CLDN18: variants seen among roughly 807,000 people sequenced by gnomAD.
CLDN18 encodes the protein claudin-18.
CLDN18 carries 20 observed loss-of-function variants against 25.0 expected under a neutral mutation model. The ratio of observed to expected loss-of-function variants is 0.80; its 90% CI spans 0.56 to 1.16. The LOEUF (loss-of-function observed/expected upper bound fraction) is 1.16, where lower values mean the gene tolerates loss of function less well. Ranked by LOEUF, CLDN18 falls within the 50% of genes most tolerant of loss-of-function variation. The pLI is 0.00. For synonymous variants in CLDN18, 125 were observed against 135.6 expected, an observed-to-expected ratio of 0.92 and a Z score of 0.54; for missense variants, 297 against 345.4, an observed-to-expected ratio of 0.86 and a Z score of 1.11.
intron 3 of CLDN18, 45 bp from the exon 4 acceptor site, chr3:138,029,752 G>T: frequency 8.3e-7 from 1 of 1,207,702 alleles, no homozygotes; most frequent in Non-Finnish European, 1.2e-6. Context: ...GTGGAGCCTG[G>T]AGAGTTGAGT....
chr3:138,017,132 C>T (rs190378357), intron 1 of CLDN18, among the ~76,000 whole-genome samples: 1 of 152,146 alleles, frequency 6.6e-6, no homozygotes, highest in Non-Finnish European at 1.5e-5. Flanking sequence ...TAAATCATCA[C>T]TGCTGTGTCT....
chr3:138,004,699 C>T (rs1008973358), intron 1 of CLDN18: 1 of 151,372 alleles, frequency 6.6e-6, no homozygotes, highest in Non-Finnish European at 1.5e-5. Flanking sequence ...CATTGACTAG[C>T]TTTTTTTGAA....
At chr3:138,020,917 G>A (rs1942263740) in intron 1 of CLDN18, among the ~76,000 whole-genome samples, 1 of 152,172 alleles carries the variant, frequency 6.6e-6, no homozygotes, top group African/African-American at 2.4e-5. Context: ...TCAAAACAAT[G>A]TGCTGTGATG....
intron 3 of CLDN18, among the ~76,000 whole-genome samples, chr3:138,027,019 CA>C (rs1419096146): frequency 1.3e-5 from 2 of 152,204 alleles, no homozygotes; most frequent in Non-Finnish European, 2.9e-5. Context: ...AAGGAATACA[CA>C]AGCTGGAGAA....
chr3:138,014,739 G>A (rs1007181153), intron 1 of CLDN18, among the ~76,000 whole-genome samples: 15 of 152,220 alleles, frequency 9.9e-5, no homozygotes, highest in Non-Finnish European at 1.8e-4. Flanking sequence ...CAAGAAGACT[G>A]TGGACTTAAA....
In CLDN18 at chr3:138,020,817, A is replaced by G. The variant is rs183849221; in HGVS notation, c.221-2841A>G. 2.2e-3 allele frequency among the ~76,000 whole-genome samples: 334 copies of G among 152,330 alleles called. 5 individuals are homozygous for G. The highest frequency in any genetic ancestry group is 3.5e-4 in the Non-Finnish European group (24 of 68,028). ...GATGATAGTTTATGGTTGAGTCTCC[A>G]AATTTGGAGGATACATTCTGTAAGA... On this transcript the variant is annotated intron_variant, in intron 1 of 4. Coordinates refer to ENST00000183605, the MANE Select transcript of CLDN18 (RefSeq NM_016369.4).
rs996210181 is a variant in CLDN18, at chr3:137,999,238, G to A, written c.220+150G>A. The A allele has an allele frequency of 4.4e-6, 3 of 675,854 alleles. No individual in the cohort carries two copies. The African/African-American group carries it at 5.4e-5, about 12-fold the overall frequency. The allele number at this position is 675,854 out of a possible 1,614,324, so 41.9% of individuals were successfully genotyped here. On this transcript the variant is annotated intron_variant, in intron 1 of 4. Transcript: ENST00000343735. ...GGGCAACAGCCACCTGCACCAGGGT[G>A]GAATAGGAGGACGGGAACCTTAGGG...
At chr3:138,001,343 T>A (rs1330297323) in intron 1 of CLDN18, among the ~76,000 whole-genome samples, 1 of 150,952 alleles carries the variant, frequency 6.6e-6, no homozygotes. Flanking sequence ...TTGAATGGGG[T>A]CCTGGACTAA....
At chr3:138,018,816 C>T (rs1381299434) in intron 1 of CLDN18, among the ~76,000 whole-genome samples, 1 of 152,176 alleles carries the variant, frequency 6.6e-6, no homozygotes, top group African/African-American at 2.4e-5. Flanking sequence ...ACCTATGCTG[C>T]CTCTCCCATC....
At chr3:138,023,075 A>G (rs1387550305) in intron 1 of CLDN18, among the ~76,000 whole-genome samples, 1 of 152,248 alleles carries the variant, frequency 6.6e-6, no homozygotes, top group Non-Finnish European at 1.5e-5. Flanking sequence ...TGAAACCTAC[A>G]GCTCACCATA....
intron 3 of CLDN18, among the ~76,000 whole-genome samples, chr3:138,028,703 T>A (rs9819472): frequency 6.6e-6 from 1 of 152,032 alleles, no homozygotes; most frequent in African/African-American, 2.4e-5. Flanking sequence ...CTCTCCACCA[T>A]CCAAAAATAT....
upstream of CLDN18, among the ~76,000 whole-genome samples, chr3:138,007,211 G>A (rs1303789058): frequency 6.6e-6 from 1 of 152,120 alleles, no homozygotes; most frequent in Admixed American, 6.5e-5. Flanking sequence ...ATACCCAAAG[G>A]AATATAAACC....
chr3:138,021,297 T>C (rs1486129504), intron 1 of CLDN18, among the ~76,000 whole-genome samples: 1 of 152,170 alleles, frequency 6.6e-6, no homozygotes, highest in Non-Finnish European at 1.5e-5. Context: ...TTTTTTTCCA[T>C]TCCCAAATTT....
chr3:138,024,659 C>T lies in CLDN18; in HGVS notation c.438C>T (p.Asn146=). Residue 146 remains asparagine (N), a synonymous_variant, in exon 3 of 5, where the codon AAC becomes AAT. Coordinates refer to ENST00000183605, the MANE Select transcript of CLDN18 (RefSeq NM_016369.4). ...TGTTTGCCAACATGCTGGTGACTAACTTCTGGATGTCCACAGCTAACATGT... is the reference window on the plus strand; with the variant it reads ...TGTTTGCCAACATGCTGGTGACTAATTTCTGGATGTCCACAGCTAACATGT... ...VSVFANMLVT[N]FWMSTANMYT... is the part of the protein sequence containing the mutation. 2 of 1,613,970 alleles carry T rather than the reference C, an allele frequency of 1.2e-6. No individual in the cohort carries two copies. The highest frequency in any genetic ancestry group is 1.7e-6 in the Non-Finnish European group (2 of 1,179,842).
Position 138,000,170 on chromosome 3 carries a change from T to C in CLDN18, c.220+1082T>C, listed in dbSNP as rs556346282. ...TATTTACGGAGAGCTTCCTATAACC[T>C]TGGGAATCTGTGGGCCTACCATTCC... On this transcript the variant is annotated intron_variant, in intron 1 of 4. Transcript: ENST00000343735. Among the ~76,000 whole-genome samples the C allele has an allele frequency of 6.6e-5, 10 of 152,278 alleles. No individual in the cohort carries two copies. The South Asian group carries it at 2.1e-3, about 32-fold the overall frequency.
At chr3:138,008,801 G>A (rs1253623387), upstream of CLDN18, among the ~76,000 whole-genome samples, 2 of 151,752 alleles carry the variant, frequency 1.3e-5, no homozygotes, top group Admixed American at 6.6e-5. Flanking sequence ...TGGTATGCAT[G>A]TATAGTTCCA....
intron 3 of CLDN18, among the ~76,000 whole-genome samples, chr3:138,026,385 C>T (rs1416936195): frequency 6.6e-6 from 1 of 152,214 alleles, no homozygotes; most frequent in Non-Finnish European, 1.5e-5. Flanking sequence ...CGGTGGCTCA[C>T]GCCTGTAATC....
Position 138,023,706 on chromosome 3 carries a change from G to C in CLDN18, c.269G>C (p.Gly90Ala). 1.2e-6 allele frequency: 2 copies of C among 1,614,018 alleles called. No homozygotes were observed. The highest frequency in any genetic ancestry group is 2.2e-5 in the South Asian group (2 of 91,068). The change falls in exon 2 of 5, where the codon GGT (glycine) becomes GCT (alanine). Residue 90 changes from glycine to alanine, a missense_variant. By Grantham distance (60) the Gly-to-Ala change is moderately conservative. Coordinates refer to ENST00000183605, the MANE Select transcript of CLDN18 (RefSeq NM_016369.4). ...RALMIVGIVL[G>A]AIGLLVSIFA... ...CTGATGATCGTAGGCATCGTCCTGGGTGCCATTGGCCTCCTGGTATCCATC... is the reference window on the plus strand; with the variant it reads ...CTGATGATCGTAGGCATCGTCCTGGCTGCCATTGGCCTCCTGGTATCCATC...
intron 1 of CLDN18, among the ~76,000 whole-genome samples, chr3:138,012,257 T>G (rs1178159008): frequency 6.6e-6 from 1 of 152,198 alleles, no homozygotes; most frequent in Non-Finnish European, 1.5e-5. Flanking sequence ...CTATCCTTCA[T>G]CTCTATAGAA....
Sources: allele counts gnomAD v4.1 joint callset (sites outside exome capture counted in the v4.1 genomes callset), GRCh38; gene constraint gnomAD v4.1.1; transcripts MANE v1.5; gene names NCBI Gene and HGNC (gene_info 2026-07-23, HGNC 2026-07-21).